ATP11A: variants seen among roughly 807,000 people sequenced by gnomAD.
The protein encoded by ATP11A is ATPase phospholipid transporting 11A, also known as phospholipid-transporting ATPase IH.
In ATP11A, 81 loss-of-function variants were observed where a neutral mutation model predicts 154.4. That is an observed-to-expected ratio of 0.52 (90% CI 0.44 to 0.63). ATP11A has a LOEUF of 0.63. Ranked by LOEUF, ATP11A falls within the 30% of genes least tolerant of loss-of-function variation. The pLI, the probability that ATP11A is intolerant of heterozygous loss-of-function variation, is 0.00. For synonymous variants in ATP11A, 623 were observed against 585.9 expected (o/e 1.06, Z -0.91); for missense variants, 1,316 against 1,474.3 (o/e 0.89, Z 1.76).
At chr13:112,706,669 A>G (rs528800563) in intron 1 of ATP11A, among the ~76,000 whole-genome samples, 2 of 152,360 alleles carry the variant, frequency 1.3e-5, no homozygotes, top group South Asian at 2.1e-4. Context: ...GTGAAAAACA[A>G]TTCCTGTTAT....
chr13:112,711,711 C>T (rs1887775427), intron 1 of ATP11A, among the ~76,000 whole-genome samples: 1 of 152,226 alleles, frequency 6.6e-6, no homozygotes, highest in Non-Finnish European at 1.5e-5. Context: ...TTTTAAGCCT[C>T]TGGAAGTCCT....
At chr13:112,752,511 G>A (rs1206805070) in intron 1 of ATP11A, among the ~76,000 whole-genome samples, 1 of 152,282 alleles carries the variant, frequency 6.6e-6, no homozygotes, top group African/African-American at 2.4e-5. Flanking sequence ...TGTGAGGGAC[G>A]GGGGCTCCTC....
intron 1 of ATP11A, among the ~76,000 whole-genome samples, chr13:112,692,112 A>G (rs916495137): frequency 6.6e-6 from 1 of 152,162 alleles, no homozygotes; most frequent in African/African-American, 2.4e-5. Flanking sequence ...TGTAAGAGAA[A>G]TGCTTTATTG....
At position 112,806,221 on chromosome 13, in the gene ATP11A, T is replaced by G; in HGVS notation, c.261T>G (p.Ile87Met). 6.2e-7 allele frequency: 1 copy of G among 1,612,108 alleles called. No individual in the cohort carries two copies. Among genetic ancestry groups the G allele is most frequent in the African/African-American group, 1.3e-5 (1 of 74,980 alleles). ...FLIIFLVQLI[I>M]DTPTSPVTSG... is the part of the protein sequence containing the mutation. ...ATTCTCTCTTTCTGCAGTTGATTAT[T>G]GATACACCCACAAGTCCAGTGACAA... Residue 87 changes from isoleucine (I) to methionine (M), a missense_variant, in exon 4 of 30, where the codon ATT becomes ATG. Transcript: ENST00000375645.
Position 112,757,499 on chromosome 13 carries a change from A to G in ATP11A, c.40-27636A>G, listed in dbSNP as rs114174617. 4.0e-3 allele frequency among the ~76,000 whole-genome samples: 603 copies of G among 152,310 alleles called. 3 individuals are homozygous for G. The highest frequency in any genetic ancestry group is 0.014 in the African/African-American group (569 of 41,560). On this transcript the variant is annotated intron_variant, in intron 1 of 29. Transcript: ENST00000375645. Reference sequence around the variant, plus strand: ...TCAAGACTAGCTTCTCTATTTCCACATTTTACTTTGTGTTTCCACAACTGG... The same window carrying G: ...TCAAGACTAGCTTCTCTATTTCCACGTTTTACTTTGTGTTTCCACAACTGG...
At chr13:112,704,343 G>T (rs1177968057) in intron 1 of ATP11A, among the ~76,000 whole-genome samples, 1 of 152,238 alleles carries the variant, frequency 6.6e-6, no homozygotes, top group Non-Finnish European at 1.5e-5. Flanking sequence ...TCTGGCGATT[G>T]TTGGAGGAAT....
chr13:112,881,535 T>G, intron 29 of ATP11A: 1 of 1,136,620 alleles, frequency 8.8e-7, no homozygotes, highest in South Asian at 2.0e-5. Context: ...CTGGGGCCCC[T>G]GGGTTCTTCC....
intron 29 of ATP11A, among the ~76,000 whole-genome samples, chr13:112,878,706 C>T (rs2080802069): frequency 6.6e-6 from 1 of 152,192 alleles, no homozygotes; most frequent in African/African-American, 2.4e-5. Context: ...CCTCTGCAGC[C>T]TGTAGAGCGT....
intron 10 of ATP11A, 90 bp downstream of exon 10, chr13:112,824,515 A>AAAGGAACTGCCAATAAG: frequency 2.5e-6 from 3 of 1,204,280 alleles, no homozygotes; most frequent in Non-Finnish European, 3.7e-6. Flanking sequence ...CCTTATTGGC[A>AAAGGAACTGCCAATAAG]GTTCCTTTGC....
rs747850981 is a variant in ATP11A, at chr13:112,842,322, C to T, written c.1752C>T (p.Pro584=). The T allele has an allele frequency of 6.2e-7, 1 of 1,611,838 alleles. No individual in the cohort carries two copies. Among genetic ancestry groups the T allele is most frequent in the Non-Finnish European group, 8.5e-7 (1 of 1,179,094 alleles). Residue 584 remains proline, a synonymous_variant, in exon 17 of 30, where the codon CCC becomes CCT. Transcript: ENST00000375645. The stretch of plus-strand genomic sequence containing the variant: ...AAGGAGCAGATTCTTCGATATTCCC[C>T]CGAGTGATAGAAGGCAAAGTTGACC... ...FCKGADSSIF[P]RVIEGKVDQI...
chr13:112,714,090 TCCCA>T (rs1888139002), intron 1 of ATP11A, among the ~76,000 whole-genome samples: 2 of 141,262 alleles, frequency 1.4e-5, no homozygotes, highest in African/African-American at 2.6e-5. Context: ...CGACCCCTGG[TCCCA>T]GCCTCCCTTC....
rs1214901223 is a variant in ATP11A at position 112,753,676 on chromosome 13, T to C, written c.40-31459T>C. On this transcript the variant is annotated intron_variant, in intron 1 of 29. Transcript: ENST00000375645. The surrounding 1 kb of genome is among the most constrained non-coding windows in gnomAD (Gnocchi z 4.1). ...GGGTTGTGTCTTGAGGAGCTCTTTATATACTTCTTTATTCTTGATATTTTT... is the reference window on the plus strand; with the variant it reads ...GGGTTGTGTCTTGAGGAGCTCTTTACATACTTCTTTATTCTTGATATTTTT... 6.6e-6 allele frequency among the ~76,000 whole-genome samples: 1 copy of C among 152,228 alleles called. No individual in the cohort carries two copies. Among genetic ancestry groups the C allele is most frequent in the Non-Finnish European group, 1.5e-5 (1 of 68,046 alleles).
In ATP11A at chr13:112,882,087, G is replaced by A; in HGVS notation, c.*221G>A. 2.2e-6 allele frequency: 3 copies of A among 1,362,658 alleles called. No homozygotes were observed. Among genetic ancestry groups the A allele is most frequent in the Non-Finnish European group, 2.9e-6 (3 of 1,019,030 alleles). 84.4% of individuals were successfully genotyped at this position (1,362,658 alleles called of 1,614,324 possible). A position where few individuals can be genotyped will look rare whatever the true frequency, so the allele number is the denominator to read the frequency against. ...TGATGGATGGTCCTAAGCCTGTGGA[G>A]ACTGTGCACGTGCCTCTTCCTGGCC... On this transcript the variant is annotated 3_prime_UTR_variant, in exon 30 of 30. Coordinates refer to ENST00000375645, the MANE Select transcript of ATP11A (RefSeq NM_015205.3). This position sits in a 1 kb window ranked among gnomAD's most constrained non-coding sequence, Gnocchi z 5.1.
chr13:112,822,568 C>T (rs139213267), intron 8 of ATP11A, among the ~76,000 whole-genome samples: 277 of 152,028 alleles, frequency 1.8e-3, no homozygotes, highest in Non-Finnish European at 3.0e-3. Context: ...TCATGGGACT[C>T]CCTGAATCTC....
Position 112,882,267 on chromosome 13 carries a change from T to C in ATP11A, c.*401T>C. ...TTCTGCTGGCCCACCCTGCGCGCTG[T>C]CATGCAGAGGCCATTCCCCCAGGCC... On this transcript the variant is annotated 3_prime_UTR_variant, in exon 30 of 30. Transcript: ENST00000375645. This position sits in a 1 kb window ranked among gnomAD's most constrained non-coding sequence, Gnocchi z 5.1. 1.9e-6 allele frequency: 1 copy of C among 530,398 alleles called. No homozygotes were observed. Among genetic ancestry groups the C allele is most frequent in the Non-Finnish European group, 3.0e-6 (1 of 336,012 alleles). 32.9% of individuals were successfully genotyped at this position (530,398 alleles called of 1,614,324 possible).
At chr13:112,793,286 C>T (rs1209605531) in intron 2 of ATP11A, among the ~76,000 whole-genome samples, 1 of 152,190 alleles carries the variant, frequency 6.6e-6, no homozygotes, top group Non-Finnish European at 1.5e-5. Flanking sequence ...ACTGCAACCT[C>T]CACCGCCCGG....
chr13:112,731,842 C>G (rs166866), intron 1 of ATP11A, among the ~76,000 whole-genome samples: 90,109 of 150,698 alleles, frequency 0.6, 27,643 homozygotes, highest in African/African-American at 0.74. Flanking sequence ...CAGAAGTGCA[C>G]GTGAGGAAGG....
At chr13:112,873,942 C>T (rs2080631635) in intron 27 of ATP11A, among the ~76,000 whole-genome samples, 1 of 152,148 alleles carries the variant, frequency 6.6e-6, no homozygotes, top group African/African-American at 2.4e-5. Flanking sequence ...GAGGAACAGA[C>T]CAGGATTCCG....
chr13:112,813,865 A>T (rs1303231147), intron 5 of ATP11A, among the ~76,000 whole-genome samples: 5 of 150,644 alleles, frequency 3.3e-5, no homozygotes, highest in Admixed American at 3.3e-4. Flanking sequence ...AGTAAAAATA[A>T]CTCTTCATGT....
Sources: gnomAD v4.1 joint callset for allele counts (sites outside exome capture counted in the v4.1 genomes callset) on GRCh38, gnomAD v4.1.1 for gene constraint, Gnocchi (gnomAD v3.1) non-coding constraint, MANE v1.5 for transcripts, NCBI Gene and HGNC (gene_info 2026-07-23, HGNC 2026-07-21) for gene names.